PCSK7: variants seen among roughly 807,000 people sequenced by gnomAD.
The protein encoded by PCSK7 is proprotein convertase subtilisin/kexin type 7, also known as lymphoma proprotein convertase.
A neutral mutation model predicts 73.3 loss-of-function variants in PCSK7; 38 were observed. The ratio of observed to expected loss-of-function variants is 0.52; its 90% CI spans 0.40 to 0.68. The LOEUF (loss-of-function observed/expected upper bound fraction) is 0.68. Ranked by LOEUF, PCSK7 falls within the 30% of genes least tolerant of loss-of-function variation. The probability of loss-of-function intolerance (pLI) is 0.00; values close to 1 mark genes in which losing one functional copy is unlikely to be tolerated. For missense variants in PCSK7, 692 were observed against 991.5 expected (o/e 0.70, Z 4.06); for synonymous variants, 296 against 383.8 (o/e 0.77, Z 2.68).
In PCSK7 at chr11:117,223,245, A is replaced by G. The variant is rs139749803; in HGVS notation, c.1118T>C (p.Val373Ala). The change falls in exon 9 of 17, where the codon GTC becomes GCC. Residue 373 changes from valine (V) to alanine (A), a missense_variant. By Grantham distance (64) the Val-to-Ala change is moderately conservative. Coordinates refer to ENST00000320934, the MANE Select transcript of PCSK7 (RefSeq NM_004716.4). ...YAEECASMLA[V>A]TFSGGDKMLR... ...CATCTTGTCCCCACCACTGAAGGTGACTGCCAGCATGGAGGCACATTCTTC... is the reference window on the plus strand; with the variant it reads ...CATCTTGTCCCCACCACTGAAGGTGGCTGCCAGCATGGAGGCACATTCTTC... 11 of 1,613,652 alleles carry G rather than the reference A, an allele frequency of 6.8e-6. No homozygotes were observed. In the African/African-American group the frequency reaches 1.2e-4, roughly 18 times the overall value.
At chr11:117,223,039 G>C in intron 9 of PCSK7, 169 bp downstream of exon 9, 1 of 604,080 alleles carries the variant, frequency 1.7e-6, no homozygotes, top group Non-Finnish European at 3.0e-6. Flanking sequence ...CAGAGTCCCC[G>C]AGTCTACTAC....
In PCSK7 at chr11:117,205,536, C is replaced by G. The variant is rs1484283748; in HGVS notation, c.*461G>C. 8.5e-6 allele frequency: 2 copies of G among 235,396 alleles called. No individual in the cohort carries two copies. Among genetic ancestry groups the G allele is most frequent in the African/African-American group, 4.4e-5 (2 of 45,410 alleles). The allele number at this position is 235,396 out of a possible 1,614,324, so 14.6% of individuals were successfully genotyped here. On this transcript the variant is annotated 3_prime_UTR_variant, in exon 17 of 17. Transcript: ENST00000320934. Reference sequence around the variant, plus strand: ...CTTGGGAATGGATAATGGAGGCAGCCGCTTTCAGGACAGGCATGTCCAGGG... The same window carrying G: ...CTTGGGAATGGATAATGGAGGCAGCGGCTTTCAGGACAGGCATGTCCAGGG...
chr11:117,226,836 T>TGGGAGCTGGGGAGCTG (rs4018845), intron 5 of PCSK7: 31 of 227,958 alleles, frequency 1.4e-4, no homozygotes, highest in East Asian at 2.4e-4. Context: ...TCAGTGGGAC[T>TGGGAGCTGGGGAGCTG]GGGAGCTGGG....
intron 3 of PCSK7, among the ~76,000 whole-genome samples, chr11:117,228,609 CTTCT>C (rs1477482479): frequency 6.8e-6 from 1 of 148,090 alleles, no homozygotes; most frequent in Non-Finnish European, 1.5e-5. Context: ...GGATGATACA[CTTCT>C]TTTTTTTTTT....
At chr11:117,215,406 A>ATATATATATATATTTT (rs1555044281) in intron 12 of PCSK7, 1 of 54,594 alleles carries the variant, frequency 1.8e-5, no homozygotes, top group Non-Finnish European at 2.8e-5. Context: ...ATATATATAT[A>ATATATATATATATTTT]CTTTTTTTTT....
chr11:117,224,652 G>A (rs1408518713), intron 7 of PCSK7, 49 bp downstream of exon 7: 1 of 1,439,272 alleles, frequency 6.9e-7, no homozygotes, highest in Non-Finnish European at 9.8e-7. Flanking sequence ...TCCCGGGACT[G>A]TATGAAGAGG....
intron 5 of PCSK7, chr11:117,226,793 T>A (rs1035070767): frequency 5.2e-6 from 1 of 194,140 alleles, no homozygotes; most frequent in South Asian, 1.2e-4. Context: ...GCTGCTCAGC[T>A]CCCCCAAAAG....
Position 117,224,224 on chromosome 11 carries a change from G to A in PCSK7, c.916-8C>T. The A allele has an allele frequency of 6.2e-7, 1 of 1,613,972 alleles. No homozygotes were observed. Among genetic ancestry groups the A allele is most frequent in the Non-Finnish European group, 8.5e-7 (1 of 1,179,862 alleles). ...CCCATGTTGTAAGGCAGCCTGAGGA[G>A]CCAAAACATCAGGGTGTCAGTTGAG... On this transcript the variant is annotated splice_polypyrimidine_tract_variant and splice_region_variant and intron_variant, in intron 7 of 16. Transcript: ENST00000320934.
At chr11:117,224,054 A>G (rs1357734477) in intron 8 of PCSK7, 24 bp downstream of exon 8, 1 of 1,612,790 alleles carries the variant, frequency 6.2e-7, no homozygotes, top group Non-Finnish European at 8.5e-7. Context: ...CACACACAGG[A>G]GCACAGAAAC....
At chr11:117,213,922 T>TTTGCCCATA (rs1051476483) in intron 12 of PCSK7, 4 of 151,870 alleles carry the variant, frequency 2.6e-5, no homozygotes, top group African/African-American at 9.7e-5. Context: ...CAGGGTTCTA[T>TTTGCCCATA]TTGCCCATAA....
In PCSK7 at chr11:117,205,644, A is replaced by G; in HGVS notation, c.*353T>C. 1 of 260,840 alleles carries G rather than the reference A, an allele frequency of 3.8e-6. No individual in the cohort carries two copies. The highest frequency in any genetic ancestry group is 7.3e-6 in the Non-Finnish European group (1 of 137,422). The allele number at this position is 260,840 out of a possible 1,614,324, so 16.2% of individuals were successfully genotyped here. Reference sequence around the variant, plus strand: ...ATTGAGATGCGCTCCTGGCTATGGCAGGCACCTTCTCAACTTATATGTGGG... The same window carrying G: ...ATTGAGATGCGCTCCTGGCTATGGCGGGCACCTTCTCAACTTATATGTGGG... On this transcript the variant is annotated 3_prime_UTR_variant, in exon 17 of 17. Transcript: ENST00000320934.
chr11:117,219,553 G>T lies in PCSK7; in HGVS notation c.1323+38C>A, dbSNP rs368855048. 54 of 1,599,726 alleles carry T rather than the reference G, an allele frequency of 3.4e-5. No individual in the cohort carries two copies. In the African/African-American group the frequency reaches 4.4e-4, roughly 13 times the overall value. On this transcript the variant is annotated intron_variant, in intron 10 of 16. Coordinates refer to ENST00000320934, the MANE Select transcript of PCSK7 (RefSeq NM_004716.4). The stretch of plus-strand genomic sequence containing the variant: ...ACCTGATACCCGAACTCTGGAGCAG[G>T]CTGGGCCAGGCCACTTGTCTACCTG...
At position 117,219,080 on chromosome 11, in the gene PCSK7, A is replaced by G; in HGVS notation, c.1408T>C (p.Trp470Arg). 6.2e-7 allele frequency: 1 copy of G among 1,609,522 alleles called. No individual in the cohort carries two copies. Among genetic ancestry groups the G allele is most frequent in the Non-Finnish European group, 8.5e-7 (1 of 1,179,296 alleles). ...HQHGFGLLNA[W>R]RLVNAAKIWT... The stretch of plus-strand genomic sequence containing the variant: ...ACCTTGGCTGCATTCACGAGCCTCC[A>G]GGCGTTGAGGAGGCCGAAACCGTGC... Residue 470 changes from tryptophan to arginine, a missense_variant, in exon 11 of 17, where the codon TGG (tryptophan) becomes CGG (arginine). This residue lies in a region of PCSK7 where 574 missense variants were observed against 689.8 expected (regional missense o/e 0.83). Transcript: ENST00000320934.
rs532386080 is a variant in PCSK7 at position 117,229,433 on chromosome 11, G to T, written c.412C>A (p.Arg138=). ...RWHSEQRLLR[R]AKRSVHFNDP... ...TTGAAGTGGACGCTGCGCTTGGCCCGCCTTAGCAGCCTCTGCTCTGAGTGC... is the reference window on the plus strand; with the variant it reads ...TTGAAGTGGACGCTGCGCTTGGCCCTCCTTAGCAGCCTCTGCTCTGAGTGC... The change falls in exon 3 of 17, where the codon CGG becomes AGG. Residue 138 remains arginine (R), a synonymous_variant. Transcript: ENST00000320934. 1.9e-6 allele frequency: 3 copies of T among 1,610,070 alleles called. No individual in the cohort carries two copies. The Admixed American group carries it at 5.0e-5, about 27-fold the overall frequency.
At position 117,204,552 on chromosome 11, in the gene PCSK7, C is replaced by G. The variant is rs2031256648; in HGVS notation, c.*1445G>C. On this transcript the variant is annotated 3_prime_UTR_variant, in exon 17 of 17. Coordinates refer to ENST00000320934, the MANE Select transcript of PCSK7 (RefSeq NM_004716.4). ...CCCAGCCTCAGCCCAACTTCTTACC[C>G]GAAAGCATCACTGCCTTGGCCCCTC... The G allele has an allele frequency of 1.2e-6, 1 of 829,590 alleles. No homozygotes were observed. Among genetic ancestry groups the G allele is most frequent in the Non-Finnish European group, 2.0e-6 (1 of 507,098 alleles). 51.4% of individuals were successfully genotyped at this position (829,590 alleles called of 1,614,324 possible).
chr11:117,215,364 T>TTTTTTGTGTTTGTGTG (rs57433360), intron 12 of PCSK7: 1 of 84,920 alleles, frequency 1.2e-5, no homozygotes, highest in East Asian at 4.4e-4. Context: ...CCTGGCTAAT[T>TTTTTTGTGTTTGTGTG]TGTGTGTGTG....
At chr11:117,215,380 G>GTATATATATATATA (rs57009414) in intron 12 of PCSK7, 22 of 55,890 alleles carry the variant, frequency 3.9e-4, no homozygotes, top group African/African-American at 1.3e-3. Context: ...GTGTGTGTGT[G>GTATATATATATATA]TATATATATA....
Position 117,206,264 on chromosome 11 carries a change from T to C in PCSK7, c.2091A>G (p.Gln697=). The change falls in exon 17 of 17, where the codon CAA becomes CAG. Residue 697 remains glutamine (Q), a synonymous_variant. Coordinates refer to ENST00000320934, the MANE Select transcript of PCSK7 (RefSeq NM_004716.4). The part of the protein sequence containing the change: ...YLSQRNVASN[Q]VCRSGPCHWP... ...AGTGGCAGGGTCCACTCCTACAAAC[T>C]TGATTGGAAGCCACATTCCTCTGGC... 5 of 1,614,138 alleles carry C rather than the reference T, an allele frequency of 3.1e-6. No homozygotes were observed. The highest frequency in any genetic ancestry group is 3.4e-6 in the Non-Finnish European group (4 of 1,180,010).
In PCSK7 at chr11:117,206,307, A is replaced by T; in HGVS notation, c.2048T>A (p.Met683Lys). 2 of 1,614,184 alleles carry T rather than the reference A, an allele frequency of 1.2e-6. No homozygotes were observed. The highest frequency in any genetic ancestry group is 4.5e-5 in the East Asian group (2 of 44,886). Residue 683 changes from methionine to lysine, a missense_variant, in exon 17 of 17, where the codon ATG (methionine) becomes AAG (lysine). Met to Lys is a moderately conservative substitution (Grantham distance 95). Around this residue, in one of 6 missense-constraint regions of PCSK7, gnomAD observed 78 missense variants for 102.6 expected, o/e 0.76. Coordinates refer to ENST00000320934, the MANE Select transcript of PCSK7 (RefSeq NM_004716.4). Reference sequence around the variant, plus strand: ...CCTCTGGCTCAAATATACTTCCAGCATGTAGTAAACAGTCCAGAAGACGGT... The same window carrying T: ...CCTCTGGCTCAAATATACTTCCAGCTTGTAGTAAACAGTCCAGAAGACGGT... The part of the protein sequence containing the change: ...CFTVFWTVYY[M>K]LEVYLSQRNV...
Sources: allele counts gnomAD v4.1 joint callset (sites outside exome capture counted in the v4.1 genomes callset), GRCh38; gene constraint gnomAD v4.1.1; regional missense constraint gnomAD v4.1.1; transcripts MANE v1.5; gene names NCBI Gene and HGNC (gene_info 2026-07-23, HGNC 2026-07-21).